The following ZNF618 variants were observed in gnomAD, a reference collection of about 807,000 sequenced individuals.
The protein encoded by ZNF618 is zinc finger protein 618.
Under a neutral mutation model 103.0 loss-of-function variants are expected in ZNF618, and 34 were observed. The ratio of observed to expected loss-of-function variants is 0.33; its 90% CI spans 0.25 to 0.44. ZNF618 has a LOEUF of 0.44. ZNF618 is among the 20% of genes least tolerant of loss of function. ZNF618 has a pLI of 1.00. For synonymous variants in ZNF618, 551 were observed against 542.2 expected (o/e 1.02, Z -0.23); for missense variants, 1,059 against 1,295.4 (o/e 0.82, Z 2.80).
rs79310169 is a variant in ZNF618 at position 114,045,139 on chromosome 9, C to G, written c.1247-2754C>G. On this transcript the variant is annotated intron_variant, in intron 13 of 14. Transcript: ENST00000374126. ...CTATAGATAGATTATTTGCAAATATCTTTCCCATTCTGTCGGTTGTCTTTT... is the reference window on the plus strand; with the variant it reads ...CTATAGATAGATTATTTGCAAATATGTTTCCCATTCTGTCGGTTGTCTTTT... 4.9e-3 allele frequency among the ~76,000 whole-genome samples: 751 copies of G among 152,096 alleles called. 5 individuals are homozygous for G. The highest frequency in any genetic ancestry group is 0.017 in the African/African-American group (725 of 41,524).
rs1832325261 is a variant in ZNF618, at chr9:113,918,403, T to G, written c.33+41990T>G. 3.9e-5 allele frequency among the ~76,000 whole-genome samples: 6 copies of G among 152,344 alleles called. No individual in the cohort carries two copies. The South Asian group carries it at 1.2e-3, about 32-fold the overall frequency. On this transcript the variant is annotated intron_variant, in intron 1 of 14. Coordinates refer to ENST00000374126, the MANE Select transcript of ZNF618 (RefSeq NM_001318042.2). ...TTTGAGACTATGCAAATATCTCATT[T>G]TTCATCATGCTTTTCTATCCACTAA...
chr9:114,032,790 G>A lies in ZNF618; in HGVS notation c.1168+62G>A, dbSNP rs375348639. On this transcript the variant is annotated intron_variant, in intron 12 of 14. Coordinates refer to ENST00000374126, the MANE Select transcript of ZNF618 (RefSeq NM_001318042.2). Reference sequence around the variant, plus strand: ...CTGCCAGCTTCGCCCGCTCCCCCCTGGCAGCCGCGGCAGCATCCTGTGGGC... The same window carrying A: ...CTGCCAGCTTCGCCCGCTCCCCCCTAGCAGCCGCGGCAGCATCCTGTGGGC... 8.7e-4 allele frequency: 1,228 copies of A among 1,408,856 alleles called. 3 individuals carry two copies. In the Middle Eastern group the frequency reaches 0.017, roughly 19 times the overall value. 87.3% of individuals were successfully genotyped at this position (1,408,856 alleles called of 1,614,324 possible).
intron 9 of ZNF618, among the ~76,000 whole-genome samples, chr9:114,009,887 C>T (rs1222936313): frequency 6.6e-6 from 1 of 152,178 alleles, no homozygotes; most frequent in Non-Finnish European, 1.5e-5. Flanking sequence ...TGATTCTTTG[C>T]TTTCTTCTTA....
intron 2 of ZNF618, among the ~76,000 whole-genome samples, chr9:113,974,280 C>G (rs1324304867): frequency 6.6e-6 from 1 of 152,168 alleles, no homozygotes; most frequent in East Asian, 1.9e-4. Context: ...GGGGCCGAAG[C>G]AGGCAGTCAT....
intron 1 of ZNF618, among the ~76,000 whole-genome samples, chr9:113,955,015 G>A (rs1428702839): frequency 6.6e-6 from 1 of 152,156 alleles, no homozygotes. Flanking sequence ...GGTGGTAGCA[G>A]CAGCTCTCCC....
At chr9:113,891,290 A>G (rs574259017) in intron 1 of ZNF618, among the ~76,000 whole-genome samples, 28 of 152,340 alleles carry the variant, frequency 1.8e-4, no homozygotes, top group African/African-American at 6.7e-4. Flanking sequence ...AAGAAATCCT[A>G]TAAATCAACA....
chr9:113,951,563 ATGTGTGTGTGTATATG>A (rs779095008), intron 1 of ZNF618, among the ~76,000 whole-genome samples: 921 of 36,204 alleles, frequency 0.025, 176 homozygotes, highest in Non-Finnish European at 0.048. Flanking sequence ...GTGTGTGTAT[ATGTGTGTGTGTATATG>A]TGTGTGTGTG....
intron 1 of ZNF618, among the ~76,000 whole-genome samples, chr9:113,957,579 C>T (rs775703765): frequency 4.6e-5 from 7 of 152,146 alleles, no homozygotes; most frequent in Non-Finnish European, 1.0e-4. Context: ...GTGAGGCCGT[C>T]CAGACATGCC....
chr9:113,997,226 G>A (rs1401917110), intron 3 of ZNF618, among the ~76,000 whole-genome samples: 2 of 151,824 alleles, frequency 1.3e-5, no homozygotes, highest in African/African-American at 4.8e-5. Context: ...TCTCACCTCA[G>A]CCTCCCAAGT....
intron 1 of ZNF618, among the ~76,000 whole-genome samples, chr9:113,940,971 C>T (rs1834496005): frequency 6.6e-6 from 1 of 152,050 alleles, no homozygotes; most frequent in Admixed American, 6.5e-5. Context: ...TTTTGGTTTT[C>T]CATGATTTTT....
At chr9:113,892,066 G>C (rs779511053) in intron 1 of ZNF618, among the ~76,000 whole-genome samples, 13 of 152,156 alleles carry the variant, frequency 8.5e-5, no homozygotes, top group African/African-American at 1.2e-4. Flanking sequence ...AGCAGCTGGT[G>C]CAAGGACAAT....
At chr9:113,892,148 G>C (rs545541015) in intron 1 of ZNF618, among the ~76,000 whole-genome samples, 1 of 152,310 alleles carries the variant, frequency 6.6e-6, no homozygotes, top group African/African-American at 2.4e-5. Flanking sequence ...TTGCACGACA[G>C]TGTGAACATG....
chr9:113,932,396 G>T (rs919278564), intron 1 of ZNF618, among the ~76,000 whole-genome samples: 5 of 152,170 alleles, frequency 3.3e-5, no homozygotes, highest in African/African-American at 9.7e-5. Context: ...ACTGGGAAGG[G>T]GTTGGAGGAT....
chr9:114,023,552 C>T (rs1843245368), intron 10 of ZNF618, among the ~76,000 whole-genome samples: 1 of 151,938 alleles, frequency 6.6e-6, no homozygotes, highest in Non-Finnish European at 1.5e-5. Flanking sequence ...ACTTATTTTC[C>T]ATTTTGTTTG....
chr9:113,900,429 A>G (rs1026233709), intron 1 of ZNF618, among the ~76,000 whole-genome samples: 1 of 152,162 alleles, frequency 6.6e-6, no homozygotes, highest in Non-Finnish European at 1.5e-5. Context: ...CCTCATCACT[A>G]CTTTGGGTGG....
Position 113,905,101 on chromosome 9 carries a change from G to A in ZNF618, c.33+28688G>A, listed in dbSNP as rs10981999. Among the ~76,000 whole-genome samples, 2,963 of 151,766 alleles carry A rather than the reference G, an allele frequency of 0.02. 148 individuals are homozygous for A. The East Asian group carries it at 0.2, about 10-fold the overall frequency. ...GATTTTTTTTTTCCAAGACTGCCTC[G>A]CTCTGTCACCCAGGCTGGAGTGCAG... On this transcript the variant is annotated intron_variant, in intron 1 of 14. Transcript: ENST00000374126.
chr9:113,932,230 C>G (rs1266768794), intron 1 of ZNF618, among the ~76,000 whole-genome samples: 1 of 152,124 alleles, frequency 6.6e-6, no homozygotes, highest in Non-Finnish European at 1.5e-5. Flanking sequence ...AATGAGGAAG[C>G]AAACCTTGCA....
At chr9:114,008,241 G>A (rs978542141) in intron 7 of ZNF618, 103 bp from the exon 8 acceptor site, 1 of 1,517,922 alleles carries the variant, frequency 6.6e-7, no homozygotes, top group East Asian at 2.3e-5. Context: ...AACCCATGGG[G>A]ATAGGGGCTG....
At position 113,890,685 on chromosome 9, in the gene ZNF618, C is replaced by T. The variant is rs1410009841; in HGVS notation, c.33+14272C>T. On this transcript the variant is annotated intron_variant, in intron 1 of 14. Coordinates refer to ENST00000374126, the MANE Select transcript of ZNF618 (RefSeq NM_001318042.2). ...TATTCTACATGTAGACAGAACTTGCCAAGTGTCTCCCAGCCAGGTGGTATC... is the reference window on the plus strand; with the variant it reads ...TATTCTACATGTAGACAGAACTTGCTAAGTGTCTCCCAGCCAGGTGGTATC... Among the ~76,000 whole-genome samples, 4 of 152,296 alleles carry T rather than the reference C, an allele frequency of 2.6e-5. No homozygotes were observed. In the East Asian group the frequency reaches 5.8e-4, roughly 22 times the overall value.
Sources: allele counts gnomAD v4.1 joint callset (sites outside exome capture counted in the v4.1 genomes callset), GRCh38; gene constraint gnomAD v4.1.1; transcripts MANE v1.5; gene names NCBI Gene and HGNC (gene_info 2026-07-23, HGNC 2026-07-21).